The following RBM6 variants were observed in gnomAD, a reference collection of about 807,000 sequenced individuals.
The protein encoded by RBM6 is RNA binding motif protein 6, also known as RNA-binding protein 6.
Under a neutral mutation model 140.4 loss-of-function variants are expected in RBM6, and 23 were observed. The observed-to-expected ratio is 0.16, with a 90% CI of 0.12 to 0.23. RBM6 has a LOEUF of 0.23. RBM6 is among the 10% of genes least tolerant of loss of function. The pLI is 1.00. For missense variants in RBM6, 1,139 were observed against 1,386.7 expected (o/e 0.82, Z 2.84); for synonymous variants, 439 against 475.6 (o/e 0.92, Z 1.00).
In RBM6 at chr3:49,967,295, T is replaced by C; in HGVS notation, c.45-175T>C. The C allele has an allele frequency of 7.2e-7, 1 of 1,392,002 alleles. No homozygotes were observed. Among genetic ancestry groups the C allele is most frequent in the South Asian group, 1.9e-5 (1 of 53,846 alleles). 86.2% of individuals were successfully genotyped at this position (1,392,002 alleles called of 1,614,324 possible). A position where few individuals can be genotyped will look rare whatever the true frequency, so the allele number is the denominator to read the frequency against. ...GGAGCATAAAAGTTTACTCCGCCAC[T>C]TCGTCTTAAAATAGCAAAACTTTGC... On this transcript the variant is annotated intron_variant, in intron 2 of 20. Coordinates refer to ENST00000266022, the MANE Select transcript of RBM6 (RefSeq NM_005777.3). The surrounding 1 kb of genome is among the most constrained non-coding windows in gnomAD (Gnocchi z 4.0).
Position 50,049,386 on chromosome 3 carries a change from A to G in RBM6, c.1632+1067A>G, listed in dbSNP as rs951669584. On this transcript the variant is annotated intron_variant, in intron 7 of 20. Coordinates refer to ENST00000266022, the MANE Select transcript of RBM6 (RefSeq NM_005777.3). ...CGGCCTCCCAAAGTATTGAGATTAC[A>G]GGCTTGAGCCACGGCACCCAGCCGG... Among the ~76,000 whole-genome samples the G allele has an allele frequency of 3.3e-5, 5 of 152,312 alleles. No individual in the cohort carries two copies. The South Asian group carries it at 1.0e-3, about 32-fold the overall frequency.
intron 3 of RBM6, among the ~76,000 whole-genome samples, chr3:49,970,155 G>A (rs1161563884): frequency 1.3e-5 from 2 of 152,074 alleles, no homozygotes; most frequent in African/African-American, 2.4e-5. Flanking sequence ...TACCTAGGCT[G>A]GGCTGGAACC....
At chr3:49,988,901 T>TCAGTGA (rs1334815165) in intron 5 of RBM6, among the ~76,000 whole-genome samples, 1 of 151,754 alleles carries the variant, frequency 6.6e-6, no homozygotes. Context: ...GAGCCAAGAT[T>TCAGTGA]GCACCACTGC....
At chr3:50,071,196 G>A (rs145901452) in intron 19 of RBM6, among the ~76,000 whole-genome samples, 35 of 152,294 alleles carry the variant, frequency 2.3e-4, no homozygotes, top group African/African-American at 7.5e-4. Context: ...GGATATAAGA[G>A]CTTATGATGT....
intron 5 of RBM6, among the ~76,000 whole-genome samples, chr3:49,976,815 C>T (rs981502103): frequency 1.3e-5 from 2 of 152,056 alleles, no homozygotes; most frequent in Admixed American, 1.3e-4. Flanking sequence ...TTAAATTTGC[C>T]GATTGTGGTA....
At chr3:50,073,559 T>A (rs538882939) in intron 19 of RBM6, among the ~76,000 whole-genome samples, 3 of 152,196 alleles carry the variant, frequency 2.0e-5, no homozygotes, top group African/African-American at 7.2e-5. Flanking sequence ...TTCCAACATA[T>A]GTACTTTGAG....
intron 20 of RBM6, 143 bp from the exon 21 acceptor site, chr3:50,076,865 C>G (rs2090478665): frequency 2.7e-6 from 2 of 733,602 alleles, no homozygotes; most frequent in Non-Finnish European, 3.9e-6. Flanking sequence ...GCCCGGGCGA[C>G]AGAGCATGAC....
rs542113710 is a variant in RBM6 at position 50,037,818 on chromosome 3, C to A, written c.1558-10427C>A. Among the ~76,000 whole-genome samples the A allele has an allele frequency of 4.9e-3, 709 of 144,096 alleles. 9 individuals carry two copies. Among genetic ancestry groups the A allele is most frequent in the African/African-American group, 0.017 (645 of 37,604 alleles). 94.5% of individuals were successfully genotyped at this position (144,096 alleles called of 152,430 possible). A position where few individuals can be genotyped will look rare whatever the true frequency, so the allele number is the denominator to read the frequency against. ...CATGCGTGGCAAATTTCTTTTCTTT[C>A]CTTTTTTTTTTTTTTTTTTTGAGAC... On this transcript the variant is annotated intron_variant, in intron 6 of 20. Transcript: ENST00000266022.
intron 6 of RBM6, among the ~76,000 whole-genome samples, chr3:50,028,063 T>C (rs2087939543): frequency 9.7e-6 from 1 of 103,180 alleles, no homozygotes; most frequent in Non-Finnish European, 2.0e-5. Context: ...GTTTTGTACT[T>C]GTTTTTTTTT....
chr3:50,060,900 A>G (rs1358360730), intron 11 of RBM6, 56 bp from the exon 12 acceptor site: 1 of 1,501,720 alleles, frequency 6.7e-7, no homozygotes, highest in East Asian at 2.3e-5. Context: ...AGGATTAAGT[A>G]CTCGTCAAAT....
intron 20 of RBM6, among the ~76,000 whole-genome samples, chr3:50,076,201 T>C (rs1402991746): frequency 3.3e-5 from 5 of 151,070 alleles, no homozygotes; most frequent in Non-Finnish European, 3.0e-5. Flanking sequence ...ACTCCTGGCC[T>C]CAAGTGATCC....
In RBM6 at chr3:50,058,508, C is replaced by T. The variant is rs1452128769; in HGVS notation, c.2076C>T (p.Asn692=). Residue 692 remains asparagine, a synonymous_variant, in exon 10 of 21, where the codon AAC becomes AAT. Coordinates refer to ENST00000266022, the MANE Select transcript of RBM6 (RefSeq NM_005777.3). ...CTGCCAACGTCCGTATCATCAAGAA[C>T]AGAACAGGCCCTATGGGGCATACCT... ...LTTANVRIIK[N]RTGPMGHTYG... 1 of 1,610,056 alleles carries T rather than the reference C, an allele frequency of 6.2e-7. No individual in the cohort carries two copies. The highest frequency in any genetic ancestry group is 1.1e-5 in the South Asian group (1 of 90,992).
intron 9 of RBM6, 84 bp downstream of exon 9, chr3:50,058,087 G>C: frequency 6.8e-7 from 1 of 1,477,578 alleles, no homozygotes; most frequent in Non-Finnish European, 9.1e-7. Context: ...GGAGCTATCT[G>C]CTTTCCAGTA....
chr3:49,969,950 T>C (rs2084708026), intron 3 of RBM6, among the ~76,000 whole-genome samples: 1 of 152,034 alleles, frequency 6.6e-6, no homozygotes, highest in African/African-American at 2.4e-5. Context: ...GTTTTTTTTT[T>C]TCTTTTTTGA....
At position 50,066,487 on chromosome 3, in the gene RBM6, G is replaced by A; in HGVS notation, c.2928G>A (p.Leu976=). Residue 976 remains leucine, a synonymous_variant, in exon 17 of 21, where the codon CTG becomes CTA. Transcript: ENST00000266022. ...AAGTTCTGATCAAACACCAGCAGCT[G>A]TCAGACCTGCACAAGGTATTAGGGG... ...NKEVLIKHQQ[L]SDLHKQNLEI... is the part of the protein sequence containing the mutation. 1 of 1,613,402 alleles carries A rather than the reference G, an allele frequency of 6.2e-7. No individual in the cohort carries two copies. Among genetic ancestry groups the A allele is most frequent in the East Asian group, 2.2e-5 (1 of 44,886 alleles).
At position 50,015,840 on chromosome 3, in the gene RBM6, A is replaced by G. The variant is rs530390915; in HGVS notation, c.1557+16327A>G. On this transcript the variant is annotated intron_variant, in intron 6 of 20. Transcript: ENST00000266022. ...TTTTAATTGATAATTGTATACGTTT[A>G]TGGAGTACCCACGTTATGATACATG... 1.5e-4 allele frequency among the ~76,000 whole-genome samples: 23 copies of G among 152,356 alleles called. No homozygotes were observed. In the East Asian group the frequency reaches 3.3e-3, roughly 22 times the overall value.
intron 7 of RBM6, among the ~76,000 whole-genome samples, chr3:50,051,718 C>T (rs551131963): frequency 9.9e-5 from 15 of 152,194 alleles, no homozygotes; most frequent in Admixed American, 4.6e-4. Flanking sequence ...ATGCTAATGG[C>T]GGTATTATTC....
intron 5 of RBM6, among the ~76,000 whole-genome samples, chr3:49,981,036 G>T (rs987667049): frequency 3.3e-5 from 5 of 151,812 alleles, no homozygotes; most frequent in African/African-American, 4.8e-5. Flanking sequence ...CGGAGTAGCT[G>T]GGATTATAGG....
chr3:49,955,106 A>C (rs2083913252), intron 1 of RBM6, among the ~76,000 whole-genome samples: 1 of 150,594 alleles, frequency 6.6e-6, no homozygotes, highest in Non-Finnish European at 1.5e-5. Context: ...TCCTGTATCA[A>C]TTAACATAGC....
Sources: allele counts gnomAD v4.1 joint callset (sites outside exome capture counted in the v4.1 genomes callset), GRCh38; gene constraint gnomAD v4.1.1; non-coding constraint Gnocchi (gnomAD v3.1); transcripts MANE v1.5; gene names NCBI Gene and HGNC (gene_info 2026-07-23, HGNC 2026-07-21).